The following TMC4 variants were observed in gnomAD, a reference collection of about 807,000 sequenced individuals.
The protein encoded by TMC4 is voltage-gated chloride channel TMC4.
Under a neutral mutation model 82.0 loss-of-function variants are expected in TMC4, and 70 were observed. That is an observed-to-expected ratio of 0.85 (90% CI 0.70 to 1.04). The LOEUF (loss-of-function observed/expected upper bound fraction) is 1.04, where lower values mean the gene tolerates loss of function less well. Among genes scored for constraint, TMC4 ranks in the 50% least tolerant of loss-of-function variants. The pLI, the probability that TMC4 is intolerant of heterozygous loss-of-function variation, is 0.00. For missense variants in TMC4, 879 were observed against 899.0 expected (o/e 0.98, Z 0.28); for synonymous variants, 446 against 406.0 (o/e 1.10, Z -1.18).
At chr19:54,168,709 G>C in intron 3 of TMC4, 29 bp from the exon 4 acceptor site, 1 of 1,426,420 alleles carries the variant, frequency 7.0e-7, no homozygotes, top group South Asian at 1.5e-5. Flanking sequence ...AGAGGCTCAG[G>C]TTCCTTCCCG....
In TMC4 at chr19:54,165,306, G is replaced by C. The variant is rs903303249; in HGVS notation, c.945+113C>G. The C allele has an allele frequency of 4.9e-6, 6 of 1,214,704 alleles. No individual in the cohort carries two copies. In the East Asian group the frequency reaches 1.5e-4, roughly 31 times the overall value. The allele number at this position is 1,214,704 out of a possible 1,614,324, so 75.2% of individuals were successfully genotyped here. Reference sequence around the variant, plus strand: ...CCAGGACCTGCCTTTCTTGGAGAAGGAGCTGCTTAGCATCTCTCCGGAGGC... The same window carrying C: ...CCAGGACCTGCCTTTCTTGGAGAAGCAGCTGCTTAGCATCTCTCCGGAGGC... On this transcript the variant is annotated intron_variant, in intron 6 of 14. Transcript: ENST00000619895.
chr19:54,160,303 G>T lies in TMC4; in HGVS notation c.*3C>A. 1 of 1,516,200 alleles carries T rather than the reference G, an allele frequency of 6.6e-7. No homozygotes were observed. Among genetic ancestry groups the T allele is most frequent in the Non-Finnish European group, 8.8e-7 (1 of 1,133,466 alleles). 93.9% of individuals were successfully genotyped at this position (1,516,200 alleles called of 1,614,324 possible). Reference sequence around the variant, plus strand: ...TCTGAAAGCGGGACGTGGGCTGCGGGGGTCAAAGAGCCGGTTTGGTGGAGG... The same window carrying T: ...TCTGAAAGCGGGACGTGGGCTGCGGTGGTCAAAGAGCCGGTTTGGTGGAGG... On this transcript the variant is annotated 3_prime_UTR_variant, in exon 15 of 15. Coordinates refer to ENST00000619895, the MANE Select transcript of TMC4 (RefSeq NM_144686.4).
Position 54,164,506 on chromosome 19 carries a change from C to T in TMC4, c.1041G>A (p.Leu347=), listed in dbSNP as rs2075651619. The change falls in exon 7 of 15, where the codon CTG becomes CTA. Residue 347 remains leucine (L), a synonymous_variant. Coordinates refer to ENST00000619895, the MANE Select transcript of TMC4 (RefSeq NM_144686.4). The part of the protein sequence containing the change: ...RVWLVRVLLN[L]LVVALLGAAF... ...CTGCCCCCAGGAGCGCGACCACCAGCAGGTTGAGCAGCACCCGCACCAACC... is the reference window on the plus strand; with the variant it reads ...CTGCCCCCAGGAGCGCGACCACCAGTAGGTTGAGCAGCACCCGCACCAACC... 1 of 1,613,840 alleles carries T rather than the reference C, an allele frequency of 6.2e-7. No homozygotes were observed. The highest frequency in any genetic ancestry group is 8.5e-7 in the Non-Finnish European group (1 of 1,180,010).
Position 54,161,272 on chromosome 19 carries a change from A to C in TMC4, c.1687-12T>G, listed in dbSNP as rs1239557477. 4 of 1,505,210 alleles carry C rather than the reference A, an allele frequency of 2.7e-6. No individual in the cohort carries two copies. Among genetic ancestry groups the C allele is most frequent in the Non-Finnish European group, 3.5e-6 (4 of 1,127,872 alleles). The allele number at this position is 1,505,210 out of a possible 1,614,324, so 93.2% of individuals were successfully genotyped here. The stretch of plus-strand genomic sequence containing the variant: ...GAGAAGAGGGTAAGCTGGTGGGGGA[A>C]GGCACGGAGAAAAGGGCTCTGAAAC... On this transcript the variant is annotated splice_polypyrimidine_tract_variant and intron_variant, in intron 11 of 14. Coordinates refer to ENST00000619895, the MANE Select transcript of TMC4 (RefSeq NM_144686.4).
chr19:54,167,552 CTG>C (rs1387501840), intron 5 of TMC4, among the ~76,000 whole-genome samples: 6 of 151,344 alleles, frequency 4.0e-5, no homozygotes, highest in South Asian at 2.1e-4. Flanking sequence ...GAGTAAGACT[CTG>C]TCTCAAAAAC....
chr19:54,169,371 C>T (rs1053925089), intron 3 of TMC4, 141 bp downstream of exon 3: 19 of 1,144,830 alleles, frequency 1.7e-5, no homozygotes, highest in Admixed American at 5.7e-5. Context: ...GTCCAGACCC[C>T]CAGCCCCTCC....
At position 54,168,440 on chromosome 19, in the gene TMC4, G is replaced by A. The variant is rs1568741186; in HGVS notation, c.675+8C>T. ...GGCGGGGAATCCCCCAGGGACCCAG[G>A]CACCTACCTCACCCGAGAGCAAGTT... On this transcript the variant is annotated splice_region_variant and intron_variant, in intron 4 of 14. Transcript: ENST00000619895. 6.5e-7 allele frequency: 1 copy of A among 1,538,730 alleles called. No individual in the cohort carries two copies. The highest frequency in any genetic ancestry group is 2.5e-5 in the East Asian group (1 of 40,782).
Position 54,163,011 on chromosome 19 carries a change from C to G in TMC4, c.1404+22G>C, listed in dbSNP as rs189133145. 599 of 1,614,154 alleles carry G rather than the reference C, an allele frequency of 3.7e-4. 1 individual carries two copies. The African/African-American group carries it at 6.0e-3, about 16-fold the overall frequency. On this transcript the variant is annotated intron_variant, in intron 9 of 14. Transcript: ENST00000619895. ...TTCCTTCAGGGACCCAAGAGTCCCA[C>G]GCACACCCATGCCGTTCTCACCGGA... is the stretch of plus-strand genomic sequence containing the variant.
chr19:54,162,698 C>T lies in TMC4; in HGVS notation c.1477G>A (p.Ala493Thr). 2 of 1,613,872 alleles carry T rather than the reference C, an allele frequency of 1.2e-6. No homozygotes were observed. The highest frequency in any genetic ancestry group is 1.7e-6 in the Non-Finnish European group (2 of 1,179,936). ...TTTCTAGGAAACTGGATGAGCAGCG[C>T]GACTGCCAAGACAGTCAGCAGATCA... is the stretch of plus-strand genomic sequence containing the variant. ...LFDLLTVLAV[A>T]LLIQFPRKLL... The change falls in exon 10 of 15, where the codon GCG (alanine) becomes ACG (threonine). Residue 493 changes from alanine to threonine, a missense_variant. By Grantham distance (58) the Ala-to-Thr change is moderately conservative. Coordinates refer to ENST00000619895, the MANE Select transcript of TMC4 (RefSeq NM_144686.4).
intron 2 of TMC4, among the ~76,000 whole-genome samples, chr19:54,169,993 C>G (rs548857694): frequency 7.1e-4 from 107 of 151,004 alleles, no homozygotes; most frequent in Non-Finnish European, 1.3e-3. Flanking sequence ...CCCAGCTACA[C>G]GAGAGGCTGA....
chr19:54,162,386 TGGTG>T (rs1277705963), intron 10 of TMC4, 101 bp from the exon 11 acceptor site: 54,321 of 345,374 alleles, frequency 0.16, 1,439 homozygotes, highest in Middle Eastern at 0.18. Context: ...TGCGTATTGG[TGGTG>T]GGGGGGGGGG....
rs1418506911 is a variant in TMC4 at position 54,161,152 on chromosome 19, G to T, written c.1795C>A (p.Pro599Thr). The T allele has an allele frequency of 4.4e-6, 7 of 1,586,352 alleles. No homozygotes were observed. Among genetic ancestry groups the T allele is most frequent in the Middle Eastern group, 1.7e-4 (1 of 5,956 alleles). ...LLLGLAISSV[P>T]LLYSIFLIPP... is the part of the protein sequence containing the mutation. ...TACAGGAAGATGCTGTAAAGCAGGGGAACGCTGGAGATGGCCAGACCCAGG... is the reference window on the plus strand; with the variant it reads ...TACAGGAAGATGCTGTAAAGCAGGGTAACGCTGGAGATGGCCAGACCCAGG... Residue 599 changes from proline to threonine, a missense_variant, in exon 12 of 15, where the codon CCC becomes ACC. Physicochemically the swap from Pro to Thr is conservative, Grantham distance 38. Coordinates refer to ENST00000619895, the MANE Select transcript of TMC4 (RefSeq NM_144686.4).
chr19:54,170,726 A>C (rs962689959), intron 2 of TMC4, among the ~76,000 whole-genome samples: 3 of 152,012 alleles, frequency 2.0e-5, no homozygotes, highest in Admixed American at 1.3e-4. Flanking sequence ...TCAAACTTCC[A>C]GGCTCAAGCA....
rs746328269 is a variant in TMC4 at position 54,162,249 on chromosome 19, ACGACCCAGCG to A, written c.1529_1538del (p.Ala510ValfsTer48). 7 of 1,606,398 alleles carry A rather than the reference ACGACCCAGCG, an allele frequency of 4.4e-6. No individual in the cohort carries two copies. Among genetic ancestry groups the A allele is most frequent in the Non-Finnish European group, 5.1e-6 (6 of 1,177,116 alleles). On this transcript the variant is annotated frameshift_variant, in exon 11 of 15. Transcript: ENST00000619895. LOFTEE classifies it high-confidence loss of function. ...CCTGGAACTCTTGGGTCCCCGCCAG[ACGACCCAGCG>A]CCCCAGGACAGAGGCCACAGAGGAG...
chr19:54,161,901 G>A (rs1028719447), intron 11 of TMC4, among the ~76,000 whole-genome samples: 3 of 151,916 alleles, frequency 2.0e-5, no homozygotes, highest in Non-Finnish European at 4.4e-5. Flanking sequence ...CTAGGACCCC[G>A]GAGTCTGAGT....
intron 1 of TMC4, chr19:54,172,657 C>T: frequency 3.6e-6 from 1 of 278,074 alleles, no homozygotes; most frequent in East Asian, 7.3e-5. Context: ...CTCTACTTCC[C>T]CTGGACCCAG....
intron 8 of TMC4, 137 bp from the exon 9 acceptor site, chr19:54,163,296 CTTTCTTTCTTTCTTT>C: frequency 3.6e-6 from 3 of 824,280 alleles, no homozygotes; most frequent in Admixed American, 6.8e-5. Flanking sequence ...GGATTTCTTT[CTTTCTTTCTTTCTTT>C]TTTTTTTTTT....
chr19:54,172,579 C>T (rs2075933959), intron 1 of TMC4: 1 of 312,392 alleles, frequency 3.2e-6, no homozygotes, highest in Non-Finnish European at 5.7e-6. Flanking sequence ...CCCAGCCCCT[C>T]CTCCCTCAGA....
At chr19:54,161,318 T>A in intron 11 of TMC4, 58 bp from the exon 12 acceptor site, 2 of 422,176 alleles carry the variant, frequency 4.7e-6, no homozygotes, top group Non-Finnish European at 5.6e-6. Context: ...GTGCCTCCAT[T>A]TTTTTTTTTT....
Sources: gnomAD v4.1 joint callset for allele counts (sites outside exome capture counted in the v4.1 genomes callset) on GRCh38, gnomAD v4.1.1 for gene constraint, MANE v1.5 for transcripts, NCBI Gene and HGNC (gene_info 2026-07-23, HGNC 2026-07-21) for gene names.